TSR3: variants seen among roughly 807,000 people sequenced by gnomAD.
The protein encoded by TSR3 is TSR3 ribosome maturation factor.
A neutral mutation model predicts 28.1 loss-of-function variants in TSR3; 31 were observed. The observed-to-expected ratio is 1.10, with a 90% CI of 0.83 to 1.49. TSR3 has a LOEUF of 1.49. Ranked by LOEUF, TSR3 falls within the 40% of genes most tolerant of loss-of-function variation. TSR3 has a pLI of 0.00. For synonymous variants in TSR3, 219 were observed against 197.2 expected (o/e 1.11, Z -0.93); for missense variants, 511 against 444.0 (o/e 1.15, Z -1.36).
In TSR3 at chr16:1,349,605, C is replaced by T. The variant is rs983006882; in HGVS notation, c.771G>A (p.Leu257=). ...CATCACTGTCATCAGTGTCCGAGGGCAGCCTGGGAGAGGAGGGGGAGCACG... is the reference window on the plus strand; with the variant it reads ...CATCACTGTCATCAGTGTCCGAGGGTAGCCTGGGAGAGGAGGGGGAGCACG... ...NPNRPVASTR[L]PSDTDDSDAS... The change falls in exon 6 of 6, where the codon CTG becomes CTA. Residue 257 remains leucine, a synonymous_variant. Coordinates refer to ENST00000007390, the MANE Select transcript of TSR3 (RefSeq NM_001001410.3). The T allele has an allele frequency of 2.5e-6, 4 of 1,594,480 alleles. No individual in the cohort carries two copies. Among genetic ancestry groups the T allele is most frequent in the Non-Finnish European group, 3.4e-6 (4 of 1,169,856 alleles).
chr16:1,351,341 GA>G, intron 2 of TSR3, 37 bp downstream of exon 2: 1 of 1,548,778 alleles, frequency 6.5e-7, no homozygotes, highest in Non-Finnish European at 8.7e-7. Flanking sequence ...CCACGCGCTG[GA>G]AATGAAGACG....
chr16:1,349,948 G>A lies in TSR3; in HGVS notation c.708C>T (p.Pro236=). 3.1e-6 allele frequency: 5 copies of A among 1,613,530 alleles called. No homozygotes were observed. The highest frequency in any genetic ancestry group is 4.2e-6 in the Non-Finnish European group (5 of 1,180,014). ...KESPQEEEID[P]FDVDSGREFG... is the part of the protein sequence containing the mutation. ...ACTCTCTCCCTGAATCCACATCGAAGGGATCTGAGCCGAGAGAGGAAAGTG... is the reference window on the plus strand; with the variant it reads ...ACTCTCTCCCTGAATCCACATCGAAAGGATCTGAGCCGAGAGAGGAAAGTG... The change falls in exon 5 of 6, where the codon CCC becomes CCT. Residue 236 remains proline (P), a synonymous_variant. Coordinates refer to ENST00000007390, the MANE Select transcript of TSR3 (RefSeq NM_001001410.3).
At chr16:1,350,299 C>T in intron 3 of TSR3, 65 bp from the exon 4 acceptor site, 1 of 1,501,590 alleles carries the variant, frequency 6.7e-7, no homozygotes, top group East Asian at 2.3e-5. Flanking sequence ...TCCTGATCAC[C>T]CTGCTGCCGG....
At chr16:1,351,063 G>C in intron 2 of TSR3, 63 bp from the exon 3 acceptor site, 1 of 1,527,776 alleles carries the variant, frequency 6.5e-7, no homozygotes, top group South Asian at 1.2e-5. Context: ...GCATGCCCCG[G>C]AGAATGGCCT....
Position 1,349,524 on chromosome 16 carries a change from A to T in TSR3, c.852T>A (p.Cys284Ter). ...CCCGTCCCTGCGTCTGCTCCTCTTC[A>T]CAGCAGCTGCTGCTGGCTCCTCCGC... ...AERGGASSSC[C>*]EEEQTQGRGA... Residue 284 changes from cysteine to a stop codon, truncating the protein, a stop_gained, in exon 6 of 6, where the codon TGT becomes TGA. Transcript: ENST00000007390. LOFTEE classifies it low-confidence loss of function (END_TRUNC). 1.2e-6 allele frequency: 2 copies of T among 1,613,156 alleles called. No individual in the cohort carries two copies. Among genetic ancestry groups the T allele is most frequent in the Non-Finnish European group, 1.7e-6 (2 of 1,179,932 alleles).
intron 4 of TSR3, 48 bp from the exon 5 acceptor site, chr16:1,350,000 C>CA (rs766687285): frequency 6.2e-7 from 1 of 1,611,942 alleles, no homozygotes; most frequent in Non-Finnish European, 8.5e-7. Context: ...AGAGCAGGAC[C>CA]AGGCCTCCCA....
chr16:1,350,215 G>T lies in TSR3; in HGVS notation c.546C>A (p.Val182=). The T allele has an allele frequency of 6.3e-7, 1 of 1,599,648 alleles. No individual in the cohort carries two copies. Among genetic ancestry groups the T allele is most frequent in the Non-Finnish European group, 8.5e-7 (1 of 1,177,772 alleles). The change falls in exon 4 of 6, where the codon GTC becomes GTA. Residue 182 remains valine (V), a synonymous_variant. Coordinates refer to ENST00000007390, the MANE Select transcript of TSR3 (RefSeq NM_001001410.3). ...FCIVGFPDLA[V]ILLRKFKWGK... ...CCCATTTAAACTTCCGCAGCAAAAT[G>T]ACAGCAAGGTCTGGAAAGCCTGACG...
chr16:1,350,738 C>T, intron 3 of TSR3, 69 bp downstream of exon 3: 2 of 1,535,400 alleles, frequency 1.3e-6, no homozygotes, highest in East Asian at 2.3e-5. Context: ...CGGCAGGAAA[C>T]ATGATGCTGG....
intron 3 of TSR3, among the ~76,000 whole-genome samples, chr16:1,350,595 G>A (rs1567178621): frequency 1.3e-5 from 2 of 152,216 alleles, no homozygotes; most frequent in Non-Finnish European, 2.9e-5. Flanking sequence ...CACCGGCCCT[G>A]ATAGAACAGC....
At chr16:1,351,185 C>T (rs576621486) in intron 2 of TSR3, among the ~76,000 whole-genome samples, 185 bp from the exon 3 acceptor site, 1 of 152,234 alleles carries the variant, frequency 6.6e-6, no homozygotes, top group African/African-American at 2.4e-5. Context: ...TGTTTATTCA[C>T]TCAACAAACG....
At position 1,351,555 on chromosome 16, in the gene TSR3, G is replaced by C; in HGVS notation, c.156C>G (p.Gly52=). Residue 52 remains glycine, a synonymous_variant, in exon 2 of 6, where the codon GGC becomes GGG. Coordinates refer to ENST00000007390, the MANE Select transcript of TSR3 (RefSeq NM_001001410.3). The part of the protein sequence containing the change: ...PGAADGEGGP[G]PAALPCTLAM... ...CCAGCGTGCAGGGCAGCGCCGCCGG[G>C]CCCGGGCCGCCCTCGCCGTCAGCCG... 6.8e-7 allele frequency: 1 copy of C among 1,476,052 alleles called. No homozygotes were observed. The highest frequency in any genetic ancestry group is 8.9e-7 in the Non-Finnish European group (1 of 1,122,684). 91.4% of individuals were successfully genotyped at this position (1,476,052 alleles called of 1,614,324 possible). A position where few individuals can be genotyped will look rare whatever the true frequency, so the allele number is the denominator to read the frequency against.
At chr16:1,351,089 G>A (rs2034664525) in intron 2 of TSR3, 89 bp from the exon 3 acceptor site, 2 of 1,385,866 alleles carry the variant, frequency 1.4e-6, no homozygotes, top group East Asian at 4.8e-5. Flanking sequence ...AGGGATTCAG[G>A]GACATCATTC....
rs143030507 is a variant in TSR3 at position 1,350,165 on chromosome 16, C to T, written c.596G>A (p.Arg199His). 321 of 1,611,142 alleles carry T rather than the reference C, an allele frequency of 2.0e-4. 1 individual carries two copies. In the African/African-American group the frequency reaches 3.5e-3, roughly 17 times the overall value. ...GGCCGCGTACTTGTCCAGGAGCTGG[C>T]GGTTCAGGTCCAAGAAGCCCTTGCC... is the stretch of plus-strand genomic sequence containing the variant. ...KWGKGFLDLNRQLLDKYAACG... is the reference protein window; with the variant it reads ...KWGKGFLDLNHQLLDKYAACG... The change falls in exon 4 of 6, where the codon CGC becomes CAC. Residue 199 changes from arginine to histidine, a missense_variant. By Grantham distance (29) the Arg-to-His change is conservative (BLOSUM62 0). Transcript: ENST00000007390.
chr16:1,351,428 C>T lies in TSR3; in HGVS notation c.283G>A (p.Gly95Ser). Residue 95 changes from glycine to serine, a missense_variant, in exon 2 of 6, where the codon GGT becomes AGT. By Grantham distance (56) the Gly-to-Ser change is moderately conservative. Transcript: ENST00000007390. Reference sequence around the variant, plus strand: ...TTGCCCACGGGGCTCAGCACCAGACCGCCGAATCTGTGGCCCAGGCGCAGG... The same window carrying T: ...TTGCCCACGGGGCTCAGCACCAGACTGCCGAATCTGTGGCCCAGGCGCAGG... Reference protein sequence around the residue: ...RCLRLGHRFGGLVLSPVGKQY... With the variant: ...RCLRLGHRFGSLVLSPVGKQY... The T allele has an allele frequency of 2.5e-6, 4 of 1,595,718 alleles. No individual in the cohort carries two copies. Among genetic ancestry groups the T allele is most frequent in the Non-Finnish European group, 3.4e-6 (4 of 1,178,856 alleles).
rs1460000550 is a variant in TSR3, at chr16:1,351,506, C to T, written c.205G>A (p.Asp69Asn). ...TLAMWELGHC[D>N]PRRCTGRKLA... Reference sequence around the variant, plus strand: ...TTGCGGCCCGTGCAGCGCCGGGGGTCGCAGTGGCCCAACTCCCACATGGCC... The same window carrying T: ...TTGCGGCCCGTGCAGCGCCGGGGGTTGCAGTGGCCCAACTCCCACATGGCC... Residue 69 changes from aspartate to asparagine, a missense_variant, in exon 2 of 6, where the codon GAC (aspartate) becomes AAC (asparagine). By Grantham distance (23) the Asp-to-Asn change is conservative (BLOSUM62 1). Transcript: ENST00000007390. The T allele has an allele frequency of 1.3e-6, 2 of 1,541,578 alleles. No homozygotes were observed. The highest frequency in any genetic ancestry group is 2.4e-5 in the South Asian group (2 of 84,896).
rs1432235457 is a variant in TSR3, at chr16:1,351,318, T to A, written c.332+61A>T. On this transcript the variant is annotated intron_variant, in intron 2 of 5. Transcript: ENST00000007390. ...GCGACATACAAGTGCCACTAAACCATCCCTGAAGGGAACCACGCGCTGGAA... is the reference window on the plus strand; with the variant it reads ...GCGACATACAAGTGCCACTAAACCAACCCTGAAGGGAACCACGCGCTGGAA... 2.6e-6 allele frequency: 4 copies of A among 1,510,442 alleles called. No homozygotes were observed. The African/African-American group carries it at 4.2e-5, about 16-fold the overall frequency. The allele number at this position is 1,510,442 out of a possible 1,614,324, so 93.6% of individuals were successfully genotyped here.
chr16:1,349,413 C>T lies in TSR3; in HGVS notation c.*24G>A. On this transcript the variant is annotated 3_prime_UTR_variant, in exon 6 of 6. Transcript: ENST00000007390. Reference sequence around the variant, plus strand: ...TCTAGATTTTCTCGTCACCCAGCCTCAAAAATATATGTGTCTGCAACCCTC... The same window carrying T: ...TCTAGATTTTCTCGTCACCCAGCCTTAAAAATATATGTGTCTGCAACCCTC... 1 of 1,613,458 alleles carries T rather than the reference C, an allele frequency of 6.2e-7. No individual in the cohort carries two copies.
intron 5 of TSR3, 80 bp downstream of exon 5, chr16:1,349,809 A>T: frequency 1.3e-6 from 2 of 1,547,936 alleles, no homozygotes. Context: ...CACCACCCCC[A>T]GGCAGCAGGA....
At chr16:1,350,000 C>A in intron 4 of TSR3, 48 bp from the exon 5 acceptor site, 4 of 1,611,942 alleles carry the variant, frequency 2.5e-6, no homozygotes, top group East Asian at 2.2e-5. Flanking sequence ...AGAGCAGGAC[C>A]AGGCCTCCCA....
Sources: gnomAD v4.1 joint callset for allele counts (sites outside exome capture counted in the v4.1 genomes callset) on GRCh38, gnomAD v4.1.1 for gene constraint, MANE v1.5 for transcripts, NCBI Gene and HGNC (gene_info 2026-07-23, HGNC 2026-07-21) for gene names.